The following NBPF11 variants were observed in gnomAD, a reference collection of about 807,000 sequenced individuals.
NBPF11 encodes NBPF member 11.
Under a neutral mutation model 93.9 loss-of-function variants are expected in NBPF11, and 72 were observed. The ratio of observed to expected loss-of-function variants is 0.77; its 90% CI spans 0.63 to 0.93. The LOEUF (loss-of-function observed/expected upper bound fraction) is 0.93. NBPF11 is among the 40% of genes least tolerant of loss of function. The pLI is 0.00. For missense variants in NBPF11, 705 were observed against 802.2 expected, an observed-to-expected ratio of 0.88 and a Z score of 1.46; for synonymous variants, 224 against 304.9, an observed-to-expected ratio of 0.73 and a Z score of 2.76.
rs1302739044 is a variant in NBPF11, at chr1:148,102,662, C to T, written c.*1234G>A. On this transcript the variant is annotated 3_prime_UTR_variant, in exon 24 of 24. Transcript: ENST00000682118. ...TAGATCATTGAGCCAGACAGCTGAC[C>T]TGTCCTCTATAAACAAGTCCATGTC... 6.6e-6 allele frequency: 1 copy of T among 151,052 alleles called. No individual in the cohort carries two copies. Among genetic ancestry groups the T allele is most frequent in the Non-Finnish European group, 1.5e-5 (1 of 67,976 alleles). 9.4% of individuals were successfully genotyped at this position (151,052 alleles called of 1,614,324 possible).
At chr1:148,137,999 C>T (rs1671610080) in intron 2 of NBPF11, among the ~76,000 whole-genome samples, 190 bp from the exon 3 acceptor site, 1 of 150,884 alleles carries the variant, frequency 6.6e-6, no homozygotes, top group Non-Finnish European at 1.5e-5. Flanking sequence ...CCTCTGAGTT[C>T]CCTTAGTATT....
At chr1:148,150,002 T>C (rs1234162054) in intron 1 of NBPF11, among the ~76,000 whole-genome samples, 1 of 151,758 alleles carries the variant, frequency 6.6e-6, no homozygotes, top group African/African-American at 2.4e-5. Context: ...TAAAACACTT[T>C]GGGAAAATGT....
chr1:148,146,093 C>G (rs1314788509), intron 1 of NBPF11, among the ~76,000 whole-genome samples: 1 of 151,902 alleles, frequency 6.6e-6, no homozygotes, highest in South Asian at 2.1e-4. Flanking sequence ...GACCGACGGA[C>G]GCACGGGCGG....
At position 148,148,892 on chromosome 1, in the gene NBPF11, G is replaced by A. The variant is rs1370056368; in HGVS notation, c.-549+2858C>T. On this transcript the variant is annotated intron_variant, in intron 1 of 23. Transcript: ENST00000682118. ...CTTACCCCCGCCCCAGGGGCACTCCGTAGGCAGGATCCCTGCAGATCCTAG... is the reference window on the plus strand; with the variant it reads ...CTTACCCCCGCCCCAGGGGCACTCCATAGGCAGGATCCCTGCAGATCCTAG... 8.6e-5 allele frequency among the ~76,000 whole-genome samples: 13 copies of A among 151,670 alleles called. No individual in the cohort carries two copies. The East Asian group carries it at 1.6e-3, about 18-fold the overall frequency.
chr1:148,147,598 C>T (rs1271203903), intron 1 of NBPF11, among the ~76,000 whole-genome samples: 198 of 152,152 alleles, frequency 1.3e-3, no homozygotes, highest in Admixed American at 4.5e-3. Flanking sequence ...TCCACTGGGC[C>T]TGTCTCGTCC....
chr1:148,123,391 C>T (rs1668352305), intron 7 of NBPF11, among the ~76,000 whole-genome samples: 1 of 152,234 alleles, frequency 6.6e-6, no homozygotes, highest in Non-Finnish European at 1.5e-5. Context: ...TAAGTGTTCC[C>T]ATATTTGGAT....
intron 15 of NBPF11, among the ~76,000 whole-genome samples, chr1:148,113,296 C>CA (rs1273093745): frequency 1.1e-4 from 17 of 151,464 alleles, no homozygotes; most frequent in Non-Finnish European, 2.1e-4. Flanking sequence ...AAATGGAAAG[C>CA]AAAAAAACGC....
At chr1:148,141,091 G>A (rs1672089399) in intron 2 of NBPF11, among the ~76,000 whole-genome samples, 1 of 151,988 alleles carries the variant, frequency 6.6e-6, no homozygotes, top group South Asian at 2.1e-4. Flanking sequence ...GGACATTCTT[G>A]GAAAGTCAAA....
intron 12 of NBPF11, among the ~76,000 whole-genome samples, chr1:148,117,081 G>C (rs1179299445): frequency 3.1e-4 from 47 of 152,004 alleles, no homozygotes; most frequent in Middle Eastern, 6.8e-3. Flanking sequence ...ACGGAGAGGG[G>C]CTTCATCTCA....
In NBPF11 at chr1:148,110,333, G is replaced by C. The variant is rs1407200900; in HGVS notation, c.1801+45C>G. The C allele has an allele frequency of 2.0e-5, 32 of 1,568,132 alleles. 1 individual carries two copies. The African/African-American group carries it at 4.0e-4, about 20-fold the overall frequency. ...GGCCCAAAGATTATGGGGTCTACCT[G>C]GGCCATGAACTGGAGCTTTATCACC... On this transcript the variant is annotated intron_variant, in intron 16 of 23. Coordinates refer to ENST00000682118, the MANE Select transcript of NBPF11 (RefSeq NM_001385469.3).
intron 2 of NBPF11, among the ~76,000 whole-genome samples, chr1:148,142,605 G>T (rs1405428929): frequency 2.6e-5 from 4 of 152,226 alleles, no homozygotes; most frequent in Admixed American, 2.6e-4. Context: ...CTGGTGGGCA[G>T]CCACGTGAGA....
chr1:148,143,921 A>T, intron 1 of NBPF11, among the ~76,000 whole-genome samples: 1 of 147,058 alleles, frequency 6.8e-6, no homozygotes, highest in East Asian at 2.1e-4. Context: ...TTAGCCGAGC[A>T]TGGTGGCGCA....
chr1:148,113,126 C>A (rs1665699736), intron 15 of NBPF11, among the ~76,000 whole-genome samples: 1 of 151,932 alleles, frequency 6.6e-6, no homozygotes, highest in African/African-American at 2.4e-5. Flanking sequence ...ACCATATTAA[C>A]CTTAAATGTA....
Position 148,144,037 on chromosome 1 carries a change from G to C in NBPF11, c.-548-351C>G, listed in dbSNP as rs1437108769. ...GCACCACTGCACTCCAGCCTGGGGG[G>C]AAAAAAATAGAGTTCTGACTAAATA... On this transcript the variant is annotated intron_variant, in intron 1 of 23. Coordinates refer to ENST00000682118, the MANE Select transcript of NBPF11 (RefSeq NM_001385469.3). Among the ~76,000 whole-genome samples the C allele has an allele frequency of 3.7e-3, 557 of 151,694 alleles. 8 individuals carry two copies. The highest frequency in any genetic ancestry group is 3.4e-3 in the Middle Eastern group (1 of 294).
rs1489866552 is a variant in NBPF11 at position 148,137,732 on chromosome 1, C to T, written c.-199G>A. On this transcript the variant is annotated 5_prime_UTR_variant, in exon 3 of 24. Coordinates refer to ENST00000682118, the MANE Select transcript of NBPF11 (RefSeq NM_001385469.3). ...TCACCTTTATGTGGCTGTTCCAGAG[C>T]CCTTGCCACCTGAAGAAGACAATGA... 1 of 148,608 alleles carries T rather than the reference C, an allele frequency of 6.7e-6. No homozygotes were observed. Among genetic ancestry groups the T allele is most frequent in the African/African-American group, 2.5e-5 (1 of 39,848 alleles). 9.2% of individuals were successfully genotyped at this position (148,608 alleles called of 1,614,324 possible).
intron 4 of NBPF11, among the ~76,000 whole-genome samples, chr1:148,131,939 AT>A (rs1308443178): frequency 9.0e-6 from 1 of 110,992 alleles, no homozygotes; most frequent in Non-Finnish European, 1.8e-5. Context: ...AGCCTTTTTA[AT>A]TTTAGCCATT....
At position 148,152,213 on chromosome 1, in the gene NBPF11, C is replaced by A. The variant is rs1558174384; in HGVS notation, c.-1012G>T. 6.6e-6 allele frequency: 1 copy of A among 152,240 alleles called. No homozygotes were observed. The highest frequency in any genetic ancestry group is 6.5e-5 in the Admixed American group (1 of 15,286). 9.4% of individuals were successfully genotyped at this position (152,240 alleles called of 1,614,324 possible). The stretch of plus-strand genomic sequence containing the variant: ...GATTTCCCCGGCCACTTGAACCGCC[C>A]CTGCCAGGTTAAAGAGGCGGGAGAC... On this transcript the variant is annotated 5_prime_UTR_variant, in exon 1 of 24. Coordinates refer to ENST00000682118, the MANE Select transcript of NBPF11 (RefSeq NM_001385469.3).
chr1:148,108,634 T>C lies in NBPF11; in HGVS notation c.1874A>G (p.Asp625Gly). 1 of 1,231,876 alleles carries C rather than the reference T, an allele frequency of 8.1e-7. No homozygotes were observed. The highest frequency in any genetic ancestry group is 2.3e-5 in the East Asian group (1 of 42,930). 76.3% of individuals were successfully genotyped at this position (1,231,876 alleles called of 1,614,324 possible). The change falls in exon 18 of 24, where the codon GAT becomes GGT. Residue 625 changes from aspartate (D) to glycine (G), a missense_variant. Around this residue, in one of 12 missense-constraint regions of NBPF11, gnomAD observed 97 missense variants for 65.0 expected, o/e 1.49. Transcript: ENST00000682118. ...TGPRLSRELL[D>G]EKEPEVLQDS... ...CTGCAAGACTTCAGGCTCTTTCTCA[T>C]CCAGCAGCTCCCTGCTGAGCCTGGA...
chr1:148,107,474 C>T (rs1663992592), intron 19 of NBPF11, among the ~76,000 whole-genome samples: 1 of 151,870 alleles, frequency 6.6e-6, no homozygotes, highest in East Asian at 1.9e-4. Context: ...GCTCAAGATT[C>T]CATGCAGTTG....
Sources: gnomAD v4.1 joint callset for allele counts (sites outside exome capture counted in the v4.1 genomes callset) on GRCh38, gnomAD v4.1.1 for gene constraint, gnomAD v4.1.1 regional missense constraint, MANE v1.5 for transcripts, NCBI Gene and HGNC (gene_info 2026-07-23, HGNC 2026-07-21) for gene names.